The following PTPRD variants were observed in gnomAD, a reference collection of about 807,000 sequenced individuals.
PTPRD encodes receptor-type tyrosine-protein phosphatase delta.
In PTPRD, 34 loss-of-function variants were observed where a neutral mutation model predicts 214.5. The observed-to-expected ratio is 0.16, with a 90% CI of 0.12 to 0.21. The LOEUF (loss-of-function observed/expected upper bound fraction) is 0.21, where lower values mean the gene tolerates loss of function less well. PTPRD is among the 10% of genes least tolerant of loss of function. The pLI is 1.00. For synonymous variants in PTPRD, 1,128 were observed against 845.7 expected (o/e 1.33, Z -5.79); for missense variants, 2,545 against 2,398.7 (o/e 1.06, Z -1.27).
chr9:8,676,082 T>C (rs2097407256), intron 12 of PTPRD, among the ~76,000 whole-genome samples: 1 of 152,138 alleles, frequency 6.6e-6, no homozygotes, highest in Non-Finnish European at 1.5e-5. Context: ...CAGCAAACTA[T>C]CTCCAGGTCC....
At chr9:10,124,942 T>C (rs767903010) in intron 3 of PTPRD, among the ~76,000 whole-genome samples, 2 of 152,156 alleles carry the variant, frequency 1.3e-5, no homozygotes, top group South Asian at 2.1e-4. Flanking sequence ...CAGAAGACCA[T>C]CTTCAGAAAT....
At chr9:9,731,858 A>C (rs2098200142) in intron 7 of PTPRD, among the ~76,000 whole-genome samples, 1 of 152,190 alleles carries the variant, frequency 6.6e-6, no homozygotes, top group Non-Finnish European at 1.5e-5. Flanking sequence ...AACATAGAGC[A>C]ATGTGTTAGG....
intron 2 of PTPRD, among the ~76,000 whole-genome samples, chr9:10,451,059 C>T (rs928989995): frequency 2.8e-4 from 42 of 151,868 alleles, no homozygotes; most frequent in Admixed American, 6.6e-5. Context: ...CTCAAGAATT[C>T]TGCATTTTTA....
At chr9:9,287,307 T>A (rs939893544) in intron 9 of PTPRD, among the ~76,000 whole-genome samples, 1 of 151,820 alleles carries the variant, frequency 6.6e-6, no homozygotes, top group Non-Finnish European at 1.5e-5. Context: ...ATGACCCAGT[T>A]GCCATGTGTC....
At chr9:8,573,063 A>C (rs781169039) in intron 14 of PTPRD, among the ~76,000 whole-genome samples, 6 of 151,992 alleles carry the variant, frequency 3.9e-5, no homozygotes, top group Non-Finnish European at 5.9e-5. Flanking sequence ...GTTTCTATCA[A>C]ATTGAATCCT....
At chr9:9,266,387 T>C (rs1220846020) in intron 9 of PTPRD, among the ~76,000 whole-genome samples, 1 of 151,418 alleles carries the variant, frequency 6.6e-6, no homozygotes, top group Admixed American at 6.6e-5. Flanking sequence ...AATTACATTT[T>C]AGACCAAGTA....
intron 3 of PTPRD, among the ~76,000 whole-genome samples, chr9:10,060,877 C>T (rs71492013): frequency 6.1e-5 from 4 of 65,954 alleles, no homozygotes; most frequent in Admixed American, 3.3e-4. Flanking sequence ...TCTTTCCTTC[C>T]TTCCTTCCTT....
chr9:10,096,431 C>T (rs1232894877), intron 3 of PTPRD, among the ~76,000 whole-genome samples: 1 of 151,884 alleles, frequency 6.6e-6, no homozygotes, highest in Non-Finnish European at 1.5e-5. Context: ...GATCGCCATT[C>T]TAACTGGCGT....
At chr9:10,403,518 C>T (rs2154498643) in intron 2 of PTPRD, among the ~76,000 whole-genome samples, 1 of 151,460 alleles carries the variant, frequency 6.6e-6, no homozygotes. Flanking sequence ...CATGAACTCT[C>T]ATTCACTGCT....
At chr9:10,263,809 G>A (rs144139891) in intron 3 of PTPRD, among the ~76,000 whole-genome samples, 351 of 152,264 alleles carry the variant, frequency 2.3e-3, no homozygotes, top group African/African-American at 8.1e-3. Flanking sequence ...GCATGTCAGA[G>A]ACCTTTGCAG....
At chr9:10,100,069 A>T (rs1049227611) in intron 3 of PTPRD, among the ~76,000 whole-genome samples, 1 of 151,680 alleles carries the variant, frequency 6.6e-6, no homozygotes, top group African/African-American at 2.4e-5. Context: ...AATGAGTAAC[A>T]TTATTAACTG....
At chr9:9,649,207 G>A (rs1374143726) in intron 7 of PTPRD, among the ~76,000 whole-genome samples, 1 of 152,174 alleles carries the variant, frequency 6.6e-6, no homozygotes, top group African/African-American at 2.4e-5. Flanking sequence ...TTCTGACCCT[G>A]TGTACATATT....
chr9:9,824,172 T>C (rs1456596661), intron 5 of PTPRD, among the ~76,000 whole-genome samples: 2 of 129,044 alleles, frequency 1.5e-5, no homozygotes, highest in Admixed American at 7.3e-5. Context: ...CATTATGTAT[T>C]TGCAAGTTAT....
intron 36 of PTPRD, among the ~76,000 whole-genome samples, chr9:8,397,937 A>G (rs892716606): frequency 2.0e-5 from 3 of 152,084 alleles, no homozygotes; most frequent in African/African-American, 7.2e-5. Context: ...TTGAATTTCC[A>G]TTTAAAAGAA....
At chr9:9,710,642 A>G in intron 7 of PTPRD, among the ~76,000 whole-genome samples, 1 of 152,090 alleles carries the variant, frequency 6.6e-6, no homozygotes, top group East Asian at 1.9e-4. Flanking sequence ...AGATAATTAG[A>G]AAATTTTACT....
chr9:8,616,157 C>A (rs1462723748), intron 14 of PTPRD, among the ~76,000 whole-genome samples: 1 of 152,114 alleles, frequency 6.6e-6, no homozygotes, highest in Non-Finnish European at 1.5e-5. Flanking sequence ...AACCTCATAT[C>A]CTGACTTTCT....
chr9:8,901,510 T>C (rs2098668549), intron 11 of PTPRD, among the ~76,000 whole-genome samples: 1 of 152,214 alleles, frequency 6.6e-6, no homozygotes, highest in African/African-American at 2.4e-5. Flanking sequence ...ACACTTCTTA[T>C]CTCCATTTCA....
intron 26 of PTPRD, among the ~76,000 whole-genome samples, chr9:8,496,162 C>A (rs1193986296): frequency 1.4e-5 from 2 of 146,292 alleles, no homozygotes; most frequent in African/African-American, 5.1e-5. Flanking sequence ...GTTCCACCTC[C>A]AACTCTCCAA....
At chr9:10,222,017 G>A (rs1026479657) in intron 3 of PTPRD, among the ~76,000 whole-genome samples, 3 of 150,184 alleles carry the variant, frequency 2.0e-5, no homozygotes, top group Admixed American at 6.6e-5. Flanking sequence ...AGAAAACTGT[G>A]AGAAAAAAAA....
Sources: allele counts gnomAD v4.1 joint callset (sites outside exome capture counted in the v4.1 genomes callset), GRCh38; gene constraint gnomAD v4.1.1; transcripts MANE v1.5; gene names NCBI Gene and HGNC (gene_info 2026-07-23, HGNC 2026-07-21).